ARB2A: variants seen among roughly 807,000 people sequenced by gnomAD.
ARB2A encodes ARB2 cotranscriptional regulator A.
chr5:93,904,141 G>A, the ARB2A span, among the ~76,000 whole-genome samples: 1 of 151,894 alleles, frequency 6.6e-6, no homozygotes, highest in Non-Finnish European at 1.5e-5. Context: ...AGACTAAAGG[G>A]AATAGCAGTT....
the ARB2A span, among the ~76,000 whole-genome samples, chr5:93,977,634 C>G: frequency 6.6e-6 from 1 of 152,128 alleles, no homozygotes; most frequent in Non-Finnish European, 1.5e-5. Flanking sequence ...GGATTAAAGA[C>G]TTACATGTAA....
the ARB2A span, among the ~76,000 whole-genome samples, chr5:93,971,430 G>A: frequency 1.3e-5 from 2 of 151,902 alleles, no homozygotes; most frequent in African/African-American, 2.4e-5. Flanking sequence ...AGCCAGGCAT[G>A]GTGGTGCAAG....
chr5:94,058,105 T>C, the ARB2A span, among the ~76,000 whole-genome samples: 4 of 152,006 alleles, frequency 2.6e-5, no homozygotes, highest in Non-Finnish European at 5.9e-5. Flanking sequence ...CAAATATGTA[T>C]GCCTATTAGC....
At chr5:94,037,441 A>G in the ARB2A span, among the ~76,000 whole-genome samples, 1 of 152,160 alleles carries the variant, frequency 6.6e-6, no homozygotes, top group Non-Finnish European at 1.5e-5. Context: ...AAACTAAACC[A>G]TTATAACAGC....
chr5:93,776,139 A>C, the ARB2A span: 3 of 1,574,654 alleles, frequency 1.9e-6, no homozygotes, highest in Non-Finnish European at 2.6e-6. Context: ...GCAATCATAT[A>C]TCTCTCATCA....
the ARB2A span, among the ~76,000 whole-genome samples, chr5:93,778,565 A>C: frequency 2.5e-3 from 377 of 152,184 alleles, 1 homozygote; most frequent in African/African-American, 8.7e-3. Context: ...CTTTTTTTTA[A>C]ACAATTCAGT....
At chr5:93,992,164 A>G in the ARB2A span, among the ~76,000 whole-genome samples, 4 of 152,100 alleles carry the variant, frequency 2.6e-5, no homozygotes, top group African/African-American at 9.7e-5. Context: ...CTCTACATAC[A>G]TTCAAATTAT....
chr5:93,779,949 A>C, the ARB2A span, among the ~76,000 whole-genome samples: 2 of 152,168 alleles, frequency 1.3e-5, no homozygotes, highest in Non-Finnish European at 2.9e-5. Flanking sequence ...ACAATATTTC[A>C]GAGTAGGTTT....
chr5:94,031,094 A>G, the ARB2A span, among the ~76,000 whole-genome samples: 1 of 152,216 alleles, frequency 6.6e-6, no homozygotes, highest in African/African-American at 2.4e-5. Context: ...GGTACTGGGT[A>G]GTGAGGTGTT....
chr5:94,086,755 A>G, the ARB2A span, among the ~76,000 whole-genome samples: 8 of 152,188 alleles, frequency 5.3e-5, no homozygotes, highest in Non-Finnish European at 1.2e-4. Context: ...GTTTCACCAC[A>G]GTGGCCAGGC....
At chr5:93,987,984 T>C in the ARB2A span, among the ~76,000 whole-genome samples, 1 of 152,194 alleles carries the variant, frequency 6.6e-6, no homozygotes, top group Non-Finnish European at 1.5e-5. Flanking sequence ...GCTCCACAAA[T>C]GGCACTACCA....
At chr5:93,820,570 A>G in the ARB2A span, among the ~76,000 whole-genome samples, 1 of 152,196 alleles carries the variant, frequency 6.6e-6, no homozygotes, top group African/African-American at 2.4e-5. Flanking sequence ...GAATTTGGTA[A>G]ATGCATTCTA....
the ARB2A span, among the ~76,000 whole-genome samples, chr5:93,666,587 T>C: frequency 6.6e-6 from 1 of 152,068 alleles, no homozygotes. Context: ...AGATTTATTA[T>C]TAAATTTGTG....
chr5:93,622,040 GA>G, the ARB2A span, among the ~76,000 whole-genome samples: 2 of 152,034 alleles, frequency 1.3e-5, no homozygotes, highest in Non-Finnish European at 2.9e-5. Context: ...AAATCAAATC[GA>G]CCTTCAGTTT....
At chr5:93,635,285 T>C in the ARB2A span, among the ~76,000 whole-genome samples, 13 of 152,142 alleles carry the variant, frequency 8.5e-5, no homozygotes, top group Non-Finnish European at 1.3e-4. Flanking sequence ...ATATAGTCAA[T>C]ATTTACAAAC....
At chr5:93,965,412 A>T in the ARB2A span, among the ~76,000 whole-genome samples, 2 of 152,026 alleles carry the variant, frequency 1.3e-5, no homozygotes, top group African/African-American at 4.8e-5. Flanking sequence ...GATCCTAAAA[A>T]CAGCTTGTTC....
chr5:93,708,132 CAAAAAT>C, the ARB2A span, among the ~76,000 whole-genome samples: 1 of 151,970 alleles, frequency 6.6e-6, no homozygotes, highest in Non-Finnish European at 1.5e-5. Flanking sequence ...GAGCTACAAA[CAAAAAT>C]AATTTAACAA....
At chr5:93,778,709 T>C in the ARB2A span, among the ~76,000 whole-genome samples, 1 of 152,154 alleles carries the variant, frequency 6.6e-6, no homozygotes, top group Non-Finnish European at 1.5e-5. Context: ...GATATGTCGG[T>C]CTTCCTACTG....
chr5:93,830,749 T>C, the ARB2A span, among the ~76,000 whole-genome samples: 6 of 152,178 alleles, frequency 3.9e-5, no homozygotes, highest in Non-Finnish European at 8.8e-5. Flanking sequence ...GGGACCAGTT[T>C]TGTGGAAGAC....
Sources: allele counts gnomAD v4.1 joint callset (sites outside exome capture counted in the v4.1 genomes callset), GRCh38; gene constraint gnomAD v4.1.1; transcripts MANE v1.5; gene names NCBI Gene and HGNC (gene_info 2026-07-23, HGNC 2026-07-21).